DNAH14: variants seen among roughly 807,000 people sequenced by gnomAD.
The protein encoded by DNAH14 is axonemal beta dynein heavy chain 14.
A neutral mutation model predicts 520.9 loss-of-function variants in DNAH14; 478 were observed. The observed-to-expected ratio is 0.92, with a 90% confidence interval of 0.85 to 0.99. The LOEUF (loss-of-function observed/expected upper bound fraction) is 0.99. Among genes scored for constraint, DNAH14 ranks in the 50% least tolerant of loss-of-function variants. DNAH14 has a pLI of 0.00. For synonymous variants in DNAH14, 1,581 were observed against 1,757.2 expected (o/e 0.90, Z 2.51); for missense variants, 4,831 against 5,234.5 (o/e 0.92, Z 2.38).
intron 42 of DNAH14, among the ~76,000 whole-genome samples, chr1:225,237,741 C>A (rs1244034336): frequency 6.6e-6 from 1 of 152,130 alleles, no homozygotes; most frequent in Non-Finnish European, 1.5e-5. Context: ...CTTTCAAGAA[C>A]CCCAATCAGT....
intron 40 of DNAH14, 122 bp from the exon 41 acceptor site, chr1:225,206,846 A>C (rs2087631180): frequency 2.2e-6 from 2 of 889,112 alleles, no homozygotes; most frequent in East Asian, 5.9e-5. Flanking sequence ...CCCTTTAATG[A>C]ATGACAATTC....
chr1:225,168,093 G>A lies in DNAH14; in HGVS notation c.5535+65G>A, dbSNP rs1008599049. 63 of 925,084 alleles carry A rather than the reference G, an allele frequency of 6.8e-5. No individual in the cohort carries two copies. The African/African-American group carries it at 8.3e-4, about 12-fold the overall frequency. 57.3% of individuals were successfully genotyped at this position (925,084 alleles called of 1,614,324 possible). On this transcript the variant is annotated intron_variant, in intron 36 of 85. Transcript: ENST00000682510. ...TTTCAATAGGAATTAATAAAATAAAGGGCAAAAATAATAATAAAAGAGAGC... is the reference window on the plus strand; with the variant it reads ...TTTCAATAGGAATTAATAAAATAAAAGGCAAAAATAATAATAAAAGAGAGC...
chr1:225,095,600 A>T lies in DNAH14; in HGVS notation c.3574-1518A>T, dbSNP rs532853008. Among the ~76,000 whole-genome samples the T allele has an allele frequency of 3.3e-5, 5 of 152,328 alleles. No homozygotes were observed. In the South Asian group the frequency reaches 1.0e-3, roughly 32 times the overall value. On this transcript the variant is annotated intron_variant, in intron 21 of 85. Coordinates refer to ENST00000682510, the MANE Select transcript of DNAH14 (RefSeq NM_001367479.1). Reference sequence around the variant, plus strand: ...AATCTGTATACCAAATCCCTGTGACACGCAATTTACTTGTATAACCTGCAC... The same window carrying T: ...AATCTGTATACCAAATCCCTGTGACTCGCAATTTACTTGTATAACCTGCAC...
chr1:224,945,813 TGA>T (rs2059777929), intron 1 of DNAH14, among the ~76,000 whole-genome samples: 1 of 152,294 alleles, frequency 6.6e-6, no homozygotes, highest in Non-Finnish European at 1.5e-5. Context: ...CGGATATTGG[TGA>T]ACAGCAAATG....
At chr1:225,115,659 C>T (rs1325251174) in intron 23 of DNAH14, among the ~76,000 whole-genome samples, 1 of 152,160 alleles carries the variant, frequency 6.6e-6, no homozygotes, top group Non-Finnish European at 1.5e-5. Context: ...GGGGCTGCAG[C>T]CAGATTGATT....
At position 225,192,859 on chromosome 1, in the gene DNAH14, CAAAG is replaced by C. The variant is rs144339803; in HGVS notation, c.5840_5843del (p.Lys1947ThrfsTer6). On this transcript the variant is annotated frameshift_variant, in exon 38 of 86. Coordinates refer to ENST00000682510, the MANE Select transcript of DNAH14 (RefSeq NM_001367479.1). LOFTEE classifies it high-confidence loss of function. ...GTATATTTTAACACACCAAAGAACA[CAAAG>C]AAAGACATTGATCTCAGACTAAAGT... 82,232 of 1,547,860 alleles carry C rather than the reference CAAAG, an allele frequency of 0.053. 2,581 individuals are homozygous for C. The highest frequency in any genetic ancestry group is 0.061 in the Non-Finnish European group (70,172 of 1,144,068).
intron 30 of DNAH14, 62 bp from the exon 31 acceptor site, chr1:225,147,042 C>T: frequency 7.8e-7 from 1 of 1,283,990 alleles, no homozygotes; most frequent in South Asian, 1.6e-5. Context: ...AAATTAATAT[C>T]CCAGTAAATT....
At chr1:225,353,589 CTT>C (rs1377253229) in intron 72 of DNAH14, among the ~76,000 whole-genome samples, 1 of 151,940 alleles carries the variant, frequency 6.6e-6, no homozygotes, top group Non-Finnish European at 1.5e-5. Flanking sequence ...CAAGTTGAAA[CTT>C]AAATCTATCT....
chr1:225,253,806 A>G (rs1260785888), intron 44 of DNAH14, among the ~76,000 whole-genome samples: 3 of 152,132 alleles, frequency 2.0e-5, no homozygotes, highest in African/African-American at 7.2e-5. Flanking sequence ...AAATGATGAA[A>G]AAGTTAAATA....
At chr1:225,170,871 A>T (rs1451406164) in intron 36 of DNAH14, among the ~76,000 whole-genome samples, 1 of 152,222 alleles carries the variant, frequency 6.6e-6, no homozygotes, top group Non-Finnish European at 1.5e-5. Flanking sequence ...AGTTGGAAGT[A>T]AAGCAGTCCT....
At chr1:225,137,441 C>T (rs1047082788) in intron 27 of DNAH14, among the ~76,000 whole-genome samples, 1 of 152,120 alleles carries the variant, frequency 6.6e-6, no homozygotes, top group Non-Finnish European at 1.5e-5. Flanking sequence ...CTGCAAACTC[C>T]ATCTCCCAGG....
intron 60 of DNAH14, among the ~76,000 whole-genome samples, chr1:225,310,724 T>C (rs1271557544): frequency 2.0e-5 from 3 of 152,174 alleles, no homozygotes; most frequent in Non-Finnish European, 4.4e-5. Flanking sequence ...TGTGTTAGTT[T>C]GCTGAGAGTG....
rs2065891039 is a variant in DNAH14, at chr1:225,023,754, A to G, written c.1247A>G (p.Gln416Arg). The G allele has an allele frequency of 6.4e-7, 1 of 1,550,908 alleles. No individual in the cohort carries two copies. The highest frequency in any genetic ancestry group is 8.7e-7 in the Non-Finnish European group (1 of 1,146,550). Residue 416 changes from glutamine to arginine, a missense_variant, in exon 11 of 86, where the codon CAG (glutamine) becomes CGG (arginine). By Grantham distance (43) the Gln-to-Arg change is conservative. Coordinates refer to ENST00000682510, the MANE Select transcript of DNAH14 (RefSeq NM_001367479.1). ...KFVMLVDYIF[Q>R]ELIRQLMNTA... ...GTAATGCTGGTTGACTACATATTTC[A>G]GGAACTCATTCGTCAACTTATGAAC...
intron 41 of DNAH14, among the ~76,000 whole-genome samples, chr1:225,229,250 A>G (rs146366424): frequency 2.0e-5 from 3 of 152,262 alleles, no homozygotes; most frequent in African/African-American, 7.2e-5. Flanking sequence ...GCTCAACCAG[A>G]GTCTTTGGGA....
At chr1:225,073,588 A>G (rs533871504) in intron 17 of DNAH14, among the ~76,000 whole-genome samples, 1 of 152,362 alleles carries the variant, frequency 6.6e-6, no homozygotes, top group Admixed American at 6.5e-5. Flanking sequence ...CCAAACAGCA[A>G]AGATGGCGGC....
intron 35 of DNAH14, among the ~76,000 whole-genome samples, chr1:225,163,067 G>C (rs189785903): frequency 1.4e-5 from 2 of 139,910 alleles, no homozygotes; most frequent in African/African-American, 5.4e-5. Context: ...GAACCTGGGA[G>C]ACAGAGGTTG....
intron 27 of DNAH14, among the ~76,000 whole-genome samples, chr1:225,127,699 T>C (rs2077896225): frequency 6.6e-6 from 1 of 152,160 alleles, no homozygotes. Flanking sequence ...GAGCGTTTAG[T>C]CCATTTACAT....
chr1:224,964,371 T>TA (rs765369915), intron 4 of DNAH14, 108 bp from the exon 5 acceptor site: 58 of 1,237,158 alleles, frequency 4.7e-5, no homozygotes, highest in Non-Finnish European at 5.8e-5. Context: ...TATACTTTGT[T>TA]ACCATTTAAA....
intron 43 of DNAH14, among the ~76,000 whole-genome samples, chr1:225,241,156 A>G (rs1304473699): frequency 6.6e-6 from 1 of 151,662 alleles, no homozygotes; most frequent in Non-Finnish European, 1.5e-5. Flanking sequence ...GGATCATAAT[A>G]TTATAGTCTT....
Sources: gnomAD v4.1 joint callset for allele counts (sites outside exome capture counted in the v4.1 genomes callset) on GRCh38, gnomAD v4.1.1 for gene constraint, MANE v1.5 for transcripts, NCBI Gene and HGNC (gene_info 2026-07-23, HGNC 2026-07-21) for gene names.